RERE: variants seen among roughly 807,000 people sequenced by gnomAD.
RERE encodes the protein arginine-glutamic acid dipeptide repeats, also known as arginine-glutamic acid dipeptide repeats protein.
A neutral mutation model predicts 146.1 loss-of-function variants in RERE; 40 were observed. The observed-to-expected ratio is 0.27, with a 90% CI of 0.21 to 0.36. The LOEUF is 0.36. RERE is among the 10% of genes least tolerant of loss of function. The pLI is 1.00. For missense variants in RERE, 1,933 were observed against 2,138.7 expected (o/e 0.90, Z 1.90); for synonymous variants, 1,003 against 866.0 (o/e 1.16, Z -2.78).
chr1:8,517,018 A>G lies in RERE; in HGVS notation c.831-8343T>C, dbSNP rs1267483246. Reference sequence around the variant, plus strand: ...TAGTGATGGATAGCTCTGTCTCTTCATTGTTGTGGTGGTTACACAAAGCTA... The same window carrying G: ...TAGTGATGGATAGCTCTGTCTCTTCGTTGTTGTGGTGGTTACACAAAGCTA... On this transcript the variant is annotated intron_variant, in intron 7 of 22. Coordinates refer to ENST00000400908, the MANE Select transcript of RERE (RefSeq NM_001042681.2). 2.0e-5 allele frequency among the ~76,000 whole-genome samples: 3 copies of G among 152,272 alleles called. No homozygotes were observed. The South Asian group carries it at 6.2e-4, about 32-fold the overall frequency.
At chr1:8,652,777 G>A (rs1189535231) in intron 2 of RERE, among the ~76,000 whole-genome samples, 4 of 152,120 alleles carry the variant, frequency 2.6e-5, no homozygotes, top group South Asian at 2.1e-4. Context: ...ACCTTGACAC[G>A]TGGGGATTAT....
chr1:8,515,045 C>T (rs1645395564), intron 7 of RERE, among the ~76,000 whole-genome samples: 1 of 152,166 alleles, frequency 6.6e-6, no homozygotes, highest in South Asian at 2.1e-4. Context: ...TTGCTATTCA[C>T]AGAAATTCAG....
intron 1 of RERE, among the ~76,000 whole-genome samples, chr1:8,721,478 A>T (rs1016220249): frequency 6.6e-6 from 1 of 151,534 alleles, no homozygotes; most frequent in African/African-American, 2.4e-5. Context: ...CACCCAGCTA[A>T]TTTTTTTCTA....
chr1:8,561,147 T>C (rs769693018), intron 4 of RERE, among the ~76,000 whole-genome samples: 3 of 152,210 alleles, frequency 2.0e-5, no homozygotes, highest in Non-Finnish European at 4.4e-5. Context: ...TTTGGTTTAT[T>C]TGTACCTAGA....
At chr1:8,786,167 C>G in intron 1 of RERE, 1 of 594,918 alleles carries the variant, frequency 1.7e-6, no homozygotes, top group Non-Finnish European at 3.0e-6. Flanking sequence ...TTAAACTGAT[C>G]AGACTAGAAA....
chr1:8,569,257 C>CA (rs77151908), intron 4 of RERE, among the ~76,000 whole-genome samples: 27,836 of 101,342 alleles, frequency 0.27, 2,793 homozygotes, highest in Middle Eastern at 0.43. Context: ...TCTTTAAAAG[C>CA]AAAAAAAAAA....
At chr1:8,403,526 C>A (rs1047001032) in intron 12 of RERE, among the ~76,000 whole-genome samples, 4 of 151,308 alleles carry the variant, frequency 2.6e-5, no homozygotes, top group Admixed American at 6.6e-5. Flanking sequence ...CCACCACACC[C>A]AGCTAATTTT....
chr1:8,530,642 C>T (rs1645631715), intron 7 of RERE, among the ~76,000 whole-genome samples: 2 of 151,286 alleles, frequency 1.3e-5, no homozygotes, highest in African/African-American at 4.9e-5. Context: ...TTACTAATTG[C>T]CCCGCATATC....
chr1:8,631,888 C>T (rs868430059), intron 2 of RERE, among the ~76,000 whole-genome samples: 1 of 152,196 alleles, frequency 6.6e-6, no homozygotes, highest in African/African-American at 2.4e-5. Context: ...TGAAGTAGTG[C>T]TTGTGGCACC....
chr1:8,597,067 T>C (rs1171807481), intron 4 of RERE, among the ~76,000 whole-genome samples: 2 of 151,240 alleles, frequency 1.3e-5, no homozygotes, highest in East Asian at 3.9e-4. Context: ...AAATGCTTAA[T>C]CATTTAATTT....
At chr1:8,726,373 T>C (rs1160434296) in intron 1 of RERE, among the ~76,000 whole-genome samples, 1 of 152,118 alleles carries the variant, frequency 6.6e-6, no homozygotes, top group African/African-American at 2.4e-5. Flanking sequence ...CAGGCTGGTC[T>C]CGAACTCCTG....
intron 1 of RERE, among the ~76,000 whole-genome samples, chr1:8,763,931 C>T (rs1419336256): frequency 1.5e-5 from 2 of 129,688 alleles, no homozygotes; most frequent in African/African-American, 2.7e-5. Flanking sequence ...CAGATCAAGA[C>T]TCCGTCTAAA....
chr1:8,751,346 C>G (rs183755126), intron 1 of RERE, among the ~76,000 whole-genome samples: 1 of 152,194 alleles, frequency 6.6e-6, no homozygotes, highest in African/African-American at 2.4e-5. Context: ...CCTTACTACA[C>G]TCTATGAGTC....
chr1:8,617,146 C>T (rs930728643), intron 3 of RERE, among the ~76,000 whole-genome samples: 1 of 151,900 alleles, frequency 6.6e-6, no homozygotes, highest in Non-Finnish European at 1.5e-5. Flanking sequence ...AGTTCAAGAC[C>T]AGCCTGGCCA....
chr1:8,649,820 G>C (rs1421939880), intron 2 of RERE, among the ~76,000 whole-genome samples: 1 of 152,012 alleles, frequency 6.6e-6, no homozygotes, highest in African/African-American at 2.4e-5. Context: ...TGATGAGTGG[G>C]GGAAAATAAG....
chr1:8,624,514 A>G, intron 2 of RERE, 134 bp from the exon 3 acceptor site: 1 of 603,382 alleles, frequency 1.7e-6, no homozygotes, highest in Non-Finnish European at 2.9e-6. Flanking sequence ...CCAAAAGATG[A>G]TATTAAATTG....
At chr1:8,418,630 T>C (rs906485715) in intron 12 of RERE, among the ~76,000 whole-genome samples, 1 of 152,240 alleles carries the variant, frequency 6.6e-6, no homozygotes, top group African/African-American at 2.4e-5. Flanking sequence ...TTGGTTCAAA[T>C]AACTGATATG....
intron 7 of RERE, among the ~76,000 whole-genome samples, chr1:8,532,815 G>C (rs779659131): frequency 6.6e-6 from 1 of 152,056 alleles, no homozygotes; most frequent in Admixed American, 6.5e-5. Flanking sequence ...GACTGGTCTT[G>C]AACTCCTGAC....
chr1:8,446,064 T>G (rs1005472357), intron 11 of RERE, among the ~76,000 whole-genome samples: 1 of 152,244 alleles, frequency 6.6e-6, no homozygotes, highest in African/African-American at 2.4e-5. Context: ...GGCCTAGTGG[T>G]GACAAAATCT....
Sources: allele counts gnomAD v4.1 joint callset (sites outside exome capture counted in the v4.1 genomes callset), GRCh38; gene constraint gnomAD v4.1.1; transcripts MANE v1.5; gene names NCBI Gene and HGNC (gene_info 2026-07-23, HGNC 2026-07-21).